The following NALF1 variants were observed in gnomAD, a reference collection of about 807,000 sequenced individuals.
NALF1 encodes family with sequence similarity 155 member A.
Under a neutral mutation model 48.4 loss-of-function variants are expected in NALF1, and 3 were observed. The ratio of observed to expected loss-of-function variants is 0.06; its 90% CI spans 0.03 to 0.16. The LOEUF is 0.16. Among genes scored for constraint, NALF1 ranks in the 10% least tolerant of loss-of-function variants. NALF1 has a pLI of 1.00. For synonymous variants in NALF1, 262 were observed against 245.7 expected (o/e 1.07, Z -0.62); for missense variants, 526 against 571.5 (o/e 0.92, Z 0.81).
At chr13:107,283,813 C>G (rs887482801) in intron 1 of NALF1, among the ~76,000 whole-genome samples, 1 of 151,940 alleles carries the variant, frequency 6.6e-6, no homozygotes, top group African/African-American at 2.4e-5. Context: ...GCGCCCGCCA[C>G]TATGCCCGGC....
At chr13:107,211,739 T>C (rs1354087581) in intron 1 of NALF1, among the ~76,000 whole-genome samples, 1 of 152,170 alleles carries the variant, frequency 6.6e-6, no homozygotes, top group Non-Finnish European at 1.5e-5. Context: ...CCGGTTATAT[T>C]TTACCTAGAA....
rs1258644933 is a variant in NALF1 at position 107,808,685 on chromosome 13, AT to A, written c.915+56996del. Among the ~76,000 whole-genome samples, 6 of 145,966 alleles carry A rather than the reference AT, an allele frequency of 4.1e-5. No homozygotes were observed. The East Asian group carries it at 7.9e-4, about 19-fold the overall frequency. Reference sequence around the variant, plus strand: ...ATACAGATTTAAAAAAAAAAAAAAAATGACTGCTTAGATAGATTAGGAGAAC... The same window carrying A: ...ATACAGATTTAAAAAAAAAAAAAAAAGACTGCTTAGATAGATTAGGAGAAC... On this transcript the variant is annotated intron_variant, in intron 1 of 2. Transcript: ENST00000375915.
intron 1 of NALF1, among the ~76,000 whole-genome samples, chr13:107,592,828 T>A (rs967685394): frequency 6.6e-6 from 1 of 151,900 alleles, no homozygotes; most frequent in African/African-American, 2.4e-5. Context: ...AAAATAAAGA[T>A]ACATAAAAAT....
At chr13:107,587,015 T>C (rs1239748354) in intron 1 of NALF1, among the ~76,000 whole-genome samples, 2 of 152,088 alleles carry the variant, frequency 1.3e-5, no homozygotes, top group South Asian at 2.1e-4. Flanking sequence ...AAGTATTACA[T>C]TGCCACTCAG....
rs1246433132 is a variant in NALF1 at position 107,310,758 on chromosome 13, A to C, written c.916-100003T>G. On this transcript the variant is annotated intron_variant, in intron 1 of 2. Coordinates refer to ENST00000375915, the MANE Select transcript of NALF1 (RefSeq NM_001080396.3). ...AGTAGCGTGATCTTGGCTCACTGCA[A>C]CCTCTGCCTCCCAGGTTCAAGTGAT... Among the ~76,000 whole-genome samples, 5 of 152,026 alleles carry C rather than the reference A, an allele frequency of 3.3e-5. No individual in the cohort carries two copies. In the East Asian group the frequency reaches 9.7e-4, roughly 29 times the overall value.
At chr13:107,395,867 G>A (rs1883703575) in intron 1 of NALF1, among the ~76,000 whole-genome samples, 1 of 151,934 alleles carries the variant, frequency 6.6e-6, no homozygotes, top group African/African-American at 2.4e-5. Context: ...GATCATATTG[G>A]ATTAGAGACC....
chr13:107,353,939 A>G (rs77019273), intron 1 of NALF1, among the ~76,000 whole-genome samples: 2,842 of 152,318 alleles, frequency 0.019, 32 homozygotes, highest in African/African-American at 0.034. Context: ...CATGCCAGGA[A>G]TAATTCTAAA....
At chr13:107,858,405 T>G (rs1382547638) in intron 1 of NALF1, among the ~76,000 whole-genome samples, 1 of 152,200 alleles carries the variant, frequency 6.6e-6, no homozygotes, top group Non-Finnish European at 1.5e-5. Flanking sequence ...AAATTACCCA[T>G]CTCGGCTGGG....
intron 1 of NALF1, among the ~76,000 whole-genome samples, chr13:107,762,925 A>C (rs2138562961): frequency 6.6e-6 from 1 of 152,312 alleles, no homozygotes; most frequent in South Asian, 2.1e-4. Context: ...AGAAATAATT[A>C]GAAGCTTTTT....
rs183321158 is a variant in NALF1, at chr13:107,165,318, A to T, written c.*5179T>A. ...AGTGATTCTACAAATATCTTGGAGT[A>T]TGAAGAAAATCCATTCAACTCTTCA... On this transcript the variant is annotated 3_prime_UTR_variant, in exon 3 of 3. Coordinates refer to ENST00000375915, the MANE Select transcript of NALF1 (RefSeq NM_001080396.3). The T allele has an allele frequency of 2.6e-5, 4 of 152,282 alleles. No individual in the cohort carries two copies. The East Asian group carries it at 7.7e-4, about 29-fold the overall frequency. 9.4% of individuals were successfully genotyped at this position (152,282 alleles called of 1,614,324 possible). A position where few individuals can be genotyped will look rare whatever the true frequency, so the allele number is the denominator to read the frequency against.
At chr13:107,849,378 G>A (rs1880253172) in intron 1 of NALF1, among the ~76,000 whole-genome samples, 1 of 152,120 alleles carries the variant, frequency 6.6e-6, no homozygotes, top group Non-Finnish European at 1.5e-5. Flanking sequence ...CTCCTCTAAA[G>A]TTTGTAAGAC....
intron 1 of NALF1, among the ~76,000 whole-genome samples, chr13:107,854,597 C>G (rs816991): frequency 0.8 from 122,226 of 152,182 alleles, 49,387 homozygotes; most frequent in Non-Finnish European, 0.84. Context: ...TTGGGGTCAG[C>G]GGCGGTGGCT....
chr13:107,560,783 T>A (rs1305379347), intron 1 of NALF1, among the ~76,000 whole-genome samples: 1 of 152,222 alleles, frequency 6.6e-6, no homozygotes, highest in Non-Finnish European at 1.5e-5. Flanking sequence ...TTTATATTTG[T>A]TAAGGCACAG....
Position 107,577,089 on chromosome 13 carries a change from G to T in NALF1, c.915+288593C>A, listed in dbSNP as rs9559064. 4.4e-3 allele frequency among the ~76,000 whole-genome samples: 663 copies of T among 152,250 alleles called. 37 individuals are homozygous for T. In the East Asian group the frequency reaches 0.11, roughly 25 times the overall value. ...AAACTGGGAGTGGGCAAACCAGGCT[G>T]GCATGAAGGCTTGGCTCCAGAAAGA... On this transcript the variant is annotated intron_variant, in intron 1 of 2. Transcript: ENST00000375915.
At chr13:107,339,489 G>A (rs1163272246) in intron 1 of NALF1, among the ~76,000 whole-genome samples, 3 of 152,072 alleles carry the variant, frequency 2.0e-5, no homozygotes, top group Admixed American at 1.3e-4. Flanking sequence ...ATTTGCATTT[G>A]AACAAAGCCC....
At chr13:107,723,083 T>G (rs1269650000) in intron 1 of NALF1, among the ~76,000 whole-genome samples, 1 of 152,202 alleles carries the variant, frequency 6.6e-6, no homozygotes, top group East Asian at 1.9e-4. Flanking sequence ...TTGGGATACA[T>G]CCTGATTAAT....
rs533758781 is a variant in NALF1 at position 107,752,402 on chromosome 13, T to C, written c.915+113280A>G. 4.6e-5 allele frequency among the ~76,000 whole-genome samples: 7 copies of C among 152,262 alleles called. No homozygotes were observed. The East Asian group carries it at 1.3e-3, about 29-fold the overall frequency. Reference sequence around the variant, plus strand: ...GGTATACAAGAAAATTTGTTATACATATATTGTATAATAAATATCATGATC... The same window carrying C: ...GGTATACAAGAAAATTTGTTATACACATATTGTATAATAAATATCATGATC... On this transcript the variant is annotated intron_variant, in intron 1 of 2. Transcript: ENST00000375915.
At chr13:107,852,349 A>G (rs1880341390) in intron 1 of NALF1, among the ~76,000 whole-genome samples, 1 of 152,176 alleles carries the variant, frequency 6.6e-6, no homozygotes, top group Non-Finnish European at 1.5e-5. Flanking sequence ...CCATTGCCAT[A>G]TAATAACAGC....
At chr13:107,282,394 T>C (rs74800541) in intron 1 of NALF1, among the ~76,000 whole-genome samples, 6,036 of 152,278 alleles carry the variant, frequency 0.04, 164 homozygotes, top group Non-Finnish European at 0.061. Flanking sequence ...GAGGATGGAC[T>C]CTGGAGGAAG....
Sources: gnomAD v4.1 joint callset for allele counts (sites outside exome capture counted in the v4.1 genomes callset) on GRCh38, gnomAD v4.1.1 for gene constraint, MANE v1.5 for transcripts, NCBI Gene and HGNC (gene_info 2026-07-23, HGNC 2026-07-21) for gene names.